The following NOX4 variants were observed in gnomAD, a reference collection of about 807,000 sequenced individuals.
NOX4 encodes NADPH oxidase 4.
A neutral mutation model predicts 87.6 loss-of-function variants in NOX4; 69 were observed. The observed-to-expected ratio is 0.79, with a 90% confidence interval of 0.65 to 0.96. The LOEUF is 0.96. NOX4 is among the 40% of genes least tolerant of loss of function. The pLI is 0.00. For synonymous variants in NOX4, 275 were observed against 238.2 expected (o/e 1.15, Z -1.42); for missense variants, 680 against 681.5 (o/e 1.00, Z 0.02).
intron 7 of NOX4, among the ~76,000 whole-genome samples, chr11:89,429,210 G>C (rs190105371): frequency 6.6e-6 from 1 of 152,194 alleles, no homozygotes; most frequent in Non-Finnish European, 1.5e-5. Flanking sequence ...ATTTAAAGCA[G>C]TGTGTAGAGG....
At chr11:89,564,754 G>GTTT in the NOX4 span, among the ~76,000 whole-genome samples, 136 of 148,416 alleles carry the variant, frequency 9.2e-4, no homozygotes, top group Middle Eastern at 6.9e-3. Context: ...TTTGTTTTTT[G>GTTT]TTTTTTTTTT....
chr11:89,571,974 T>C, the NOX4 span, among the ~76,000 whole-genome samples: 2,751 of 152,250 alleles, frequency 0.018, 82 homozygotes, highest in African/African-American at 0.063. Context: ...CCAGACCAAA[T>C]TGTGTATTGG....
chr11:89,460,407 A>C (rs1185232636), intron 2 of NOX4, among the ~76,000 whole-genome samples: 1 of 152,168 alleles, frequency 6.6e-6, no homozygotes, highest in African/African-American at 2.4e-5. Flanking sequence ...TTTGCATTCT[A>C]CCTATCTGAC....
intron 2 of NOX4, among the ~76,000 whole-genome samples, chr11:89,469,876 A>G (rs1170869936): frequency 2.0e-5 from 3 of 152,126 alleles, no homozygotes; most frequent in South Asian, 4.1e-4. Context: ...ATTTTAAAAT[A>G]AACCACTTTC....
intron 17 of NOX4, among the ~76,000 whole-genome samples, chr11:89,327,711 G>A (rs1483133591): frequency 6.6e-6 from 1 of 151,728 alleles, no homozygotes; most frequent in Non-Finnish European, 1.5e-5. Context: ...AACTCGCACT[G>A]AACAAAAGAC....
At chr11:89,489,837 G>A (rs1473976304) in intron 2 of NOX4, among the ~76,000 whole-genome samples, 3 of 151,944 alleles carry the variant, frequency 2.0e-5, no homozygotes, top group African/African-American at 7.2e-5. Context: ...AAATAAGAAG[G>A]AGATGGAACA....
rs1941738991 is a variant in NOX4 at position 89,400,094 on chromosome 11, A to C, written c.1012-15T>G. Reference sequence around the variant, plus strand: ...AGAGTAATATACTAAAAAGCAACAAACAGATAAGTTTTAAATGACCAATTA... The same window carrying C: ...AGAGTAATATACTAAAAAGCAACAACCAGATAAGTTTTAAATGACCAATTA... On this transcript the variant is annotated splice_polypyrimidine_tract_variant and intron_variant, in intron 10 of 17. Transcript: ENST00000263317. 6.3e-7 allele frequency: 1 copy of C among 1,594,816 alleles called. No homozygotes were observed. Among genetic ancestry groups the C allele is most frequent in the African/African-American group, 1.3e-5 (1 of 74,208 alleles).
At chr11:89,551,049 C>G in the NOX4 span, among the ~76,000 whole-genome samples, 3 of 152,088 alleles carry the variant, frequency 2.0e-5, no homozygotes, top group Non-Finnish European at 2.9e-5. Context: ...GAATCCTTTC[C>G]CCATTGCTTG....
chr11:89,337,821 A>T (rs908288218), intron 15 of NOX4, among the ~76,000 whole-genome samples: 1 of 152,078 alleles, frequency 6.6e-6, no homozygotes, highest in African/African-American at 2.4e-5. Context: ...AGTCCTTCTG[A>T]AATACTCCTT....
the NOX4 span, among the ~76,000 whole-genome samples, chr11:89,566,219 T>G: frequency 2.0e-5 from 3 of 151,892 alleles, no homozygotes; most frequent in Non-Finnish European, 4.4e-5. Flanking sequence ...ATTTTCTGTA[T>G]TTTTTAGTAG....
the NOX4 span, among the ~76,000 whole-genome samples, chr11:89,532,919 G>T: frequency 1.1e-4 from 16 of 149,844 alleles, no homozygotes; most frequent in Non-Finnish European, 1.2e-4. Context: ...CATGTAAGAT[G>T]CATCTTGCTT....
At chr11:89,454,021 T>C (rs927788991) in intron 2 of NOX4, among the ~76,000 whole-genome samples, 3 of 152,130 alleles carry the variant, frequency 2.0e-5, no homozygotes, top group Non-Finnish European at 2.9e-5. Context: ...TGTTCTTTTA[T>C]CATTAAAGAA....
intron 4 of NOX4, among the ~76,000 whole-genome samples, chr11:89,448,538 A>T (rs1339873520): frequency 1.3e-5 from 2 of 152,188 alleles, no homozygotes; most frequent in African/African-American, 2.4e-5. Context: ...TTGATCACAT[A>T]TAATTCGGGA....
chr11:89,511,893 C>G, the NOX4 span, among the ~76,000 whole-genome samples: 6 of 152,028 alleles, frequency 3.9e-5, no homozygotes, highest in Non-Finnish European at 8.8e-5. Flanking sequence ...AAGACGAGGA[C>G]AATTTACTGA....
At chr11:89,377,058 AAAAT>A (rs924576292) in intron 11 of NOX4, among the ~76,000 whole-genome samples, 1 of 152,104 alleles carries the variant, frequency 6.6e-6, no homozygotes, top group African/African-American at 2.4e-5. Context: ...ATTCTGTCTC[AAAAT>A]AAATAAATAA....
chr11:89,351,928 A>G (rs1002877760), intron 13 of NOX4, among the ~76,000 whole-genome samples: 1 of 152,210 alleles, frequency 6.6e-6, no homozygotes, highest in Non-Finnish European at 1.5e-5. Context: ...GTTCAGGAAC[A>G]AAAAAGAACA....
chr11:89,424,816 C>T (rs1434862596), intron 7 of NOX4, among the ~76,000 whole-genome samples: 1 of 151,956 alleles, frequency 6.6e-6, no homozygotes, highest in Non-Finnish European at 1.5e-5. Context: ...ACACTGGGGA[C>T]TTATTCATTC....
At chr11:89,392,762 G>A (rs1179507367) in intron 11 of NOX4, among the ~76,000 whole-genome samples, 1 of 152,068 alleles carries the variant, frequency 6.6e-6, no homozygotes, top group East Asian at 1.9e-4. Flanking sequence ...CTCTTTCAAA[G>A]GTCTACATGA....
Position 89,497,439 on chromosome 11 carries a change from T to C in NOX4, c.-115+558A>G, listed in dbSNP as rs1014264483. On this transcript the variant is annotated intron_variant, in intron 1 of 18. Transcript: ENST00000527956. ...TCACTTTCTGAATATATTAAGAAAA[T>C]CTTAAACTCAAACTATTAGAATCCA... 3.3e-5 allele frequency among the ~76,000 whole-genome samples: 5 copies of C among 152,256 alleles called. No individual in the cohort carries two copies. The East Asian group carries it at 7.7e-4, about 23-fold the overall frequency.
Sources: allele counts gnomAD v4.1 joint callset (sites outside exome capture counted in the v4.1 genomes callset), GRCh38; gene constraint gnomAD v4.1.1; transcripts MANE v1.5; gene names NCBI Gene and HGNC (gene_info 2026-07-23, HGNC 2026-07-21).